Variants in FAM177A1 observed in about 807,000 individuals in gnomAD.
FAM177A1 encodes protein FAM177A1.
A neutral mutation model predicts 26.1 loss-of-function variants in FAM177A1; 22 were observed. The ratio of observed to expected loss-of-function variants is 0.84; its 90% confidence interval spans 0.60 to 1.20. The LOEUF (loss-of-function observed/expected upper bound fraction) is 1.20. FAM177A1 is among the 50% of genes most tolerant of loss of function. FAM177A1 has a pLI of 0.00. For missense variants in FAM177A1, 296 were observed against 291.1 expected (o/e 1.02, Z -0.12); for synonymous variants, 95 against 99.3 (o/e 0.96, Z 0.26).
intron 2 of FAM177A1, among the ~76,000 whole-genome samples, chr14:35,062,986 A>T (rs1322440074): frequency 1.4e-5 from 2 of 140,864 alleles, no homozygotes; most frequent in African/African-American, 2.6e-5. Context: ...AGTATCATTT[A>T]AAAAAAAAAA....
upstream of FAM177A1, chr14:35,046,136 C>A (rs180886022): frequency 1.6e-3 from 339 of 209,466 alleles, no homozygotes; most frequent in African/African-American, 6.5e-3. Context: ...TTCAGGTACA[C>A]GTACCAGAAA....
Position 35,081,815 on chromosome 14 carries a change from T to A in FAM177A1, c.*587T>A, listed in dbSNP as rs2045488669. 6.6e-6 allele frequency: 1 copy of A among 152,292 alleles called. No homozygotes were observed. Among genetic ancestry groups the A allele is most frequent in the South Asian group, 2.1e-4 (1 of 4,836 alleles). The allele number at this position is 152,292 out of a possible 1,614,324, so 9.4% of individuals were successfully genotyped here. A position where few individuals can be genotyped will look rare whatever the true frequency, so the allele number is the denominator to read the frequency against. ...GATATTAAGATAGGCTTCCATTTTT[T>A]AATGCAAGCCACTTACTTAATCTTG... On this transcript the variant is annotated 3_prime_UTR_variant, in exon 5 of 5. Coordinates refer to ENST00000280987, the MANE Select transcript of FAM177A1 (RefSeq NM_173607.5).
At chr14:35,073,504 C>T (rs563282993) in intron 2 of FAM177A1, among the ~76,000 whole-genome samples, 1 of 152,160 alleles carries the variant, frequency 6.6e-6, no homozygotes, top group East Asian at 1.9e-4. Flanking sequence ...CACTTTGACA[C>T]CTTCAGTGTT....
At chr14:35,074,589 G>A (rs568494743) in intron 2 of FAM177A1, among the ~76,000 whole-genome samples, 8 of 151,776 alleles carry the variant, frequency 5.3e-5, no homozygotes, top group Non-Finnish European at 8.8e-5. Context: ...GCCTCCCAAA[G>A]TGCTGGGATT....
intron 2 of FAM177A1, among the ~76,000 whole-genome samples, chr14:35,055,761 C>A (rs2045052748): frequency 6.6e-6 from 1 of 152,076 alleles, no homozygotes; most frequent in African/African-American, 2.4e-5. Flanking sequence ...TGACTGTTTT[C>A]CAAAGTGGCT....
chr14:35,046,734 C>G, intron 1 of FAM177A1, 106 bp downstream of exon 1: 1 of 1,421,062 alleles, frequency 7.0e-7, no homozygotes, highest in Non-Finnish European at 9.2e-7. Context: ...GCAGGCCGCC[C>G]CAGCTTTGGA....
intron 3 of FAM177A1, 46 bp from the exon 4 acceptor site, chr14:35,078,881 A>G: frequency 1.5e-6 from 2 of 1,378,032 alleles, no homozygotes; most frequent in Non-Finnish European, 1.9e-6. Flanking sequence ...AGTGCTCAAG[A>G]AATGTTTATA....
At chr14:35,060,217 C>G (rs1484790048) in intron 2 of FAM177A1, among the ~76,000 whole-genome samples, 1 of 151,918 alleles carries the variant, frequency 6.6e-6, no homozygotes, top group East Asian at 1.9e-4. Flanking sequence ...TCATTTGATC[C>G]ACCTGCCTTG....
At chr14:35,064,786 G>A (rs750820230) in intron 2 of FAM177A1, among the ~76,000 whole-genome samples, 14 of 151,750 alleles carry the variant, frequency 9.2e-5, no homozygotes, top group Non-Finnish European at 1.5e-4. Flanking sequence ...CGAGTAGCTG[G>A]GAATGCAGGC....
intron 1 of FAM177A1, chr14:35,049,931 T>C (rs2044936652): frequency 6.6e-6 from 1 of 152,214 alleles, no homozygotes; most frequent in Non-Finnish European, 1.5e-5. Flanking sequence ...GGGTTCGTTA[T>C]GGAATTTGCA....
intron 2 of FAM177A1, among the ~76,000 whole-genome samples, chr14:35,070,634 C>T (rs2045307584): frequency 1.3e-5 from 2 of 152,092 alleles, no homozygotes. Context: ...GGCGGAGCTA[C>T]AAGTTAATGG....
At chr14:35,059,575 G>A (rs1371224600) in intron 2 of FAM177A1, among the ~76,000 whole-genome samples, 1 of 130,456 alleles carries the variant, frequency 7.7e-6, no homozygotes, top group Non-Finnish European at 1.6e-5. Context: ...CTCACTCATC[G>A]CCAGGCTGGA....
intron 3 of FAM177A1, among the ~76,000 whole-genome samples, chr14:35,077,468 C>CTTTTTTTTTTTTTTTTT (rs150813883): frequency 6.3e-5 from 5 of 79,530 alleles, no homozygotes; most frequent in Non-Finnish European, 9.2e-5. Flanking sequence ...TTTTCAAGTT[C>CTTTTTTTTTTTTTTTTT]TTTTTTTTTT....
chr14:35,056,744 T>A (rs567538737), intron 2 of FAM177A1, among the ~76,000 whole-genome samples: 89 of 152,326 alleles, frequency 5.8e-4, no homozygotes, highest in East Asian at 1.3e-3. Context: ...ACTAATTCAG[T>A]CTCTTTACTT....
rs2045477281 is a variant in FAM177A1, at chr14:35,081,124, G to C, written c.607G>C (p.Glu203Gln). Reference protein sequence around the residue: ...TDSIVQTDQPETVISSSFVNV... With the variant: ...TDSIVQTDQPQTVISSSFVNV... ...TTCCATTGTTCAGACAGATCAACCAGAGACAGTGATATCCAGCTCATTTGT... is the reference window on the plus strand; with the variant it reads ...TTCCATTGTTCAGACAGATCAACCACAGACAGTGATATCCAGCTCATTTGT... The change falls in exon 5 of 5, where the codon GAG becomes CAG. Residue 203 changes from glutamate (E) to glutamine (Q), a missense_variant. Physicochemically the swap from Glu to Gln is conservative, Grantham distance 29. Transcript: ENST00000280987. The C allele has an allele frequency of 6.2e-7, 1 of 1,613,682 alleles. No homozygotes were observed. The highest frequency in any genetic ancestry group is 8.5e-7 in the Non-Finnish European group (1 of 1,179,882).
chr14:35,049,627 AT>A (rs2044931526), intron 1 of FAM177A1, among the ~76,000 whole-genome samples: 1 of 152,152 alleles, frequency 6.6e-6, no homozygotes, highest in African/African-American at 2.4e-5. Context: ...TCTACTAAAA[AT>A]AGAAAAATTA....
At chr14:35,078,863 A>T (rs2045435902) in intron 3 of FAM177A1, 64 bp from the exon 4 acceptor site, 3 of 1,156,586 alleles carry the variant, frequency 2.6e-6, no homozygotes, top group Non-Finnish European at 3.6e-6. Context: ...AGTGTCTTAC[A>T]CATAGAAAGT....
rs567166491 is a variant in FAM177A1, at chr14:35,078,962, T to C, written c.442T>C (p.Leu148=). 1.7e-5 allele frequency: 26 copies of C among 1,554,822 alleles called. No homozygotes were observed. The highest frequency in any genetic ancestry group is 1.7e-4 in the Middle Eastern group (1 of 5,920). Residue 148 remains leucine, a synonymous_variant, in exon 4 of 5, where the codon TTG becomes CTG. Transcript: ENST00000280987. ...DFLGEKIASV[L]GISTPKYQYA... ...CCTTGGAGAGAAGATTGCATCTGTT[T>C]TGGGTATCAGCACCCCAAAGTACCA...
At chr14:35,073,169 C>T (rs1283283283) in intron 2 of FAM177A1, among the ~76,000 whole-genome samples, 2 of 152,200 alleles carry the variant, frequency 1.3e-5, no homozygotes, top group African/African-American at 4.8e-5. Context: ...CTCCTGGGTT[C>T]AAGCAATTCT....
Sources: gnomAD v4.1 joint callset for allele counts (sites outside exome capture counted in the v4.1 genomes callset) on GRCh38, gnomAD v4.1.1 for gene constraint, MANE v1.5 for transcripts, NCBI Gene and HGNC (gene_info 2026-07-23, HGNC 2026-07-21) for gene names.